Variants in S100PBP observed in about 807,000 individuals in gnomAD.
S100PBP encodes S100P-binding protein.
In S100PBP, 15 loss-of-function variants were observed where a neutral mutation model predicts 39.9. The observed-to-expected ratio is 0.38, with a 90% CI of 0.25 to 0.58. The LOEUF (loss-of-function observed/expected upper bound fraction) is 0.58, where lower values mean the gene tolerates loss of function less well. Among genes scored for constraint, S100PBP ranks in the 20% least tolerant of loss-of-function variants. The pLI is 0.70. For synonymous variants in S100PBP, 178 were observed against 180.3 expected, an observed-to-expected ratio of 0.99 and a Z score of 0.10; for missense variants, 504 against 487.3, an observed-to-expected ratio of 1.03 and a Z score of -0.32.
In S100PBP at chr1:32,826,303, A is replaced by G. The variant is rs754039361; in HGVS notation, c.204A>G (p.Ser68=). ...CACTGTTGAAGGAAGATGACCCATC[A>G]TATGAGCAGTCTTCTGGGGAAGATG... is the stretch of plus-strand genomic sequence containing the variant. ...IDALLKEDDP[S]YEQSSGEDDG... The change falls in exon 3 of 7, where the codon TCA becomes TCG. Residue 68 remains serine, a synonymous_variant. Coordinates refer to ENST00000373475, the MANE Select transcript of S100PBP (RefSeq NM_022753.4). 5 of 1,614,202 alleles carry G rather than the reference A, an allele frequency of 3.1e-6. No individual in the cohort carries two copies. In the South Asian group the frequency reaches 5.5e-5, roughly 18 times the overall value.
chr1:32,832,344 C>T (rs1480571765), intron 5 of S100PBP, among the ~76,000 whole-genome samples: 1 of 151,784 alleles, frequency 6.6e-6, no homozygotes, highest in Non-Finnish European at 1.5e-5. Flanking sequence ...CCAAAAAATA[C>T]TGGAAACAGC....
Position 32,826,312 on chromosome 1 carries a change from G to A in S100PBP, c.213G>A (p.Gln71=). 2 of 1,614,126 alleles carry A rather than the reference G, an allele frequency of 1.2e-6. No individual in the cohort carries two copies. The highest frequency in any genetic ancestry group is 1.3e-5 in the African/African-American group (1 of 75,046). Residue 71 remains glutamine (Q), a synonymous_variant, in exon 3 of 7, where the codon CAG becomes CAA. Coordinates refer to ENST00000373475, the MANE Select transcript of S100PBP (RefSeq NM_022753.4). ...LLKEDDPSYE[Q]SSGEDDGGHV... is the part of the protein sequence containing the mutation. ...AGGAAGATGACCCATCATATGAGCA[G>A]TCTTCTGGGGAAGATGATGGTGGGC...
chr1:32,848,578 G>A (rs1018648068), intron 5 of S100PBP, among the ~76,000 whole-genome samples: 1 of 152,166 alleles, frequency 6.6e-6, no homozygotes, highest in African/African-American at 2.4e-5. Flanking sequence ...AGCTGAGAGA[G>A]TCTCTGTTCT....
At chr1:32,818,113 T>C (rs1638839825) in intron 1 of S100PBP, 1 of 152,556 alleles carries the variant, frequency 6.6e-6, no homozygotes, top group Non-Finnish European at 1.5e-5. Context: ...CCTGGGGAGA[T>C]CTGAGGACGG....
At chr1:32,833,948 A>G in intron 5 of S100PBP, 1 of 201,694 alleles carries the variant, frequency 5.0e-6, no homozygotes, top group Non-Finnish European at 1.2e-5. Flanking sequence ...TCATCTTGGT[A>G]AATTAGATTG....
At chr1:32,816,820 C>A, upstream of S100PBP, 1 of 383,952 alleles carries the variant, frequency 2.6e-6, no homozygotes, top group Non-Finnish European at 4.9e-6. Context: ...TTACTTGAAC[C>A]GTAATGGGTC....
chr1:32,853,673 A>C (rs1167038207), intron 6 of S100PBP, among the ~76,000 whole-genome samples: 1 of 152,014 alleles, frequency 6.6e-6, no homozygotes, highest in East Asian at 1.9e-4. Flanking sequence ...CCAAGGCAGG[A>C]GGATTGCTTG....
intron 5 of S100PBP, among the ~76,000 whole-genome samples, chr1:32,840,140 C>T (rs1227064637): frequency 6.6e-6 from 1 of 152,110 alleles, no homozygotes; most frequent in Non-Finnish European, 1.5e-5. Context: ...GTGCATCCAC[C>T]ATATCCGGCT....
At chr1:32,820,210 G>A (rs963690756) in intron 1 of S100PBP, among the ~76,000 whole-genome samples, 1 of 143,250 alleles carries the variant, frequency 7.0e-6, no homozygotes, top group African/African-American at 2.6e-5. Flanking sequence ...GCAGTGGTGC[G>A]ATCTCAGTTC....
chr1:32,817,193 G>A (rs147538442), upstream of S100PBP: 656 of 1,614,214 alleles, frequency 4.1e-4, 5 homozygotes, highest in African/African-American at 7.0e-3. Context: ...CTGACCTGCA[G>A]GTTCCGGGTG....
intron 5 of S100PBP, chr1:32,834,112 G>GC (rs1169973584): frequency 4.6e-6 from 1 of 219,212 alleles, no homozygotes; most frequent in Non-Finnish European, 1.0e-5. Flanking sequence ...AGATGGTCCT[G>GC]CCCCAAAAAA....
rs1170226854 is a variant in S100PBP at position 32,830,038 on chromosome 1, A to G, written c.995A>G (p.His332Arg). Residue 332 changes from histidine (H) to arginine (R), a missense_variant, in exon 5 of 7, where the codon CAT (histidine) becomes CGT (arginine). His to Arg is a conservative substitution (Grantham distance 29). Coordinates refer to ENST00000373475, the MANE Select transcript of S100PBP (RefSeq NM_022753.4). Reference sequence around the variant, plus strand: ...CTTTATCTCAGGAGTGTCATTGCTCATATAGAAGACCCAGAGGACACTAAC... The same window carrying G: ...CTTTATCTCAGGAGTGTCATTGCTCGTATAGAAGACCCAGAGGACACTAAC... Reference protein sequence around the residue: ...KQLYLRSVIAHIEDPEDTNQG... With the variant: ...KQLYLRSVIARIEDPEDTNQG... 3 of 1,613,142 alleles carry G rather than the reference A, an allele frequency of 1.9e-6. No individual in the cohort carries two copies. The highest frequency in any genetic ancestry group is 2.5e-6 in the Non-Finnish European group (3 of 1,179,282).
intron 5 of S100PBP, among the ~76,000 whole-genome samples, chr1:32,839,212 A>G (rs1396835630): frequency 2.0e-5 from 3 of 152,184 alleles, no homozygotes; most frequent in South Asian, 2.1e-4. Flanking sequence ...GGTACCTCAC[A>G]TAAGTGGAGT....
chr1:32,826,634 G>C lies in S100PBP; in HGVS notation c.535G>C (p.Glu179Gln). The C allele has an allele frequency of 6.2e-7, 1 of 1,614,158 alleles. No individual in the cohort carries two copies. The highest frequency in any genetic ancestry group is 8.5e-7 in the Non-Finnish European group (1 of 1,180,042). The part of the protein sequence containing the change: ...KDTEKLSSLG[E>Q]EMREDGLSPN... Reference sequence around the variant, plus strand: ...TACTGAAAAACTCTCTTCCCTTGGAGAAGAGATGAGAGAAGATGGTCTTAG... The same window carrying C: ...TACTGAAAAACTCTCTTCCCTTGGACAAGAGATGAGAGAAGATGGTCTTAG... Residue 179 changes from glutamate (E) to glutamine (Q), a missense_variant, in exon 3 of 7, where the codon GAA becomes CAA. Glu to Gln is a conservative substitution (Grantham distance 29, BLOSUM62 2). Coordinates refer to ENST00000373475, the MANE Select transcript of S100PBP (RefSeq NM_022753.4).
chr1:32,850,136 T>A (rs1314887013), intron 5 of S100PBP, among the ~76,000 whole-genome samples: 1 of 152,230 alleles, frequency 6.6e-6, no homozygotes, highest in Non-Finnish European at 1.5e-5. Context: ...TTAGATTTAT[T>A]ATCTTTAGTT....
chr1:32,841,056 G>C (rs1640067946), intron 5 of S100PBP, among the ~76,000 whole-genome samples: 1 of 151,744 alleles, frequency 6.6e-6, no homozygotes, highest in Admixed American at 6.6e-5. Flanking sequence ...AGCTACTCAG[G>C]AGGCTGAGGC....
chr1:32,817,447 G>T (rs1378814701), upstream of S100PBP: 1 of 653,658 alleles, frequency 1.5e-6, no homozygotes, highest in Non-Finnish European at 2.7e-6. Context: ...AGGTCGATGA[G>T]ACGGGAAAAG....
intron 3 of S100PBP, 142 bp from the exon 4 acceptor site, chr1:32,827,851 C>A: frequency 3.6e-6 from 1 of 276,390 alleles, no homozygotes; most frequent in Non-Finnish European, 7.3e-6. Context: ...TGAAGCACTA[C>A]TGTTATACGT....
intron 1 of S100PBP, among the ~76,000 whole-genome samples, chr1:32,822,739 C>T (rs747276376): frequency 6.6e-6 from 1 of 151,696 alleles, no homozygotes; most frequent in Non-Finnish European, 1.5e-5. Context: ...GTTTTGTATA[C>T]TTTTGTTCCC....
Sources: gnomAD v4.1 joint callset for allele counts (sites outside exome capture counted in the v4.1 genomes callset) on GRCh38, gnomAD v4.1.1 for gene constraint, MANE v1.5 for transcripts, NCBI Gene and HGNC (gene_info 2026-07-23, HGNC 2026-07-21) for gene names.